Variants in PTPN11 observed in about 807,000 individuals in gnomAD.
PTPN11 encodes protein tyrosine phosphatase non-receptor type 11.
Under a neutral mutation model 78.8 loss-of-function variants are expected in PTPN11, and 6 were observed. The observed-to-expected ratio is 0.08, with a 90% CI of 0.04 to 0.15. The LOEUF is 0.15. PTPN11 is among the 10% of genes least tolerant of loss of function. PTPN11 has a pLI of 1.00. For synonymous variants in PTPN11, 221 were observed against 263.5 expected, an observed-to-expected ratio of 0.84 and a Z score of 1.56; for missense variants, 386 against 744.8, an observed-to-expected ratio of 0.52 and a Z score of 5.61.
At chr12:112,424,893 G>GTA (rs1297016262) in intron 1 of PTPN11, among the ~76,000 whole-genome samples, 2 of 129,414 alleles carry the variant, frequency 1.5e-5, no homozygotes, top group African/African-American at 6.3e-5. Flanking sequence ...GTGTGTGTAT[G>GTA]TGTGTGTGTG....
intron 13 of PTPN11, among the ~76,000 whole-genome samples, chr12:112,498,063 G>A (rs1453149068): frequency 2.0e-5 from 3 of 152,126 alleles, no homozygotes; most frequent in Non-Finnish European, 4.4e-5. Context: ...TGAGGCATGA[G>A]AATCGCTTGA....
intron 6 of PTPN11, among the ~76,000 whole-genome samples, chr12:112,470,664 G>A (rs2135891576): frequency 6.6e-6 from 1 of 152,286 alleles, no homozygotes; most frequent in South Asian, 2.1e-4. Flanking sequence ...CCACCTCAGT[G>A]AAGTGTCATG....
rs552257589 is a variant in PTPN11, at chr12:112,477,047, G to A, written c.854-604G>A. On this transcript the variant is annotated intron_variant, in intron 7 of 15. Transcript: ENST00000351677. ...CCCCTCCCCTTTTCTTTTTTCTTGA[G>A]ACTGTGTCTCACTCTGTCATCCAGG... 3.7e-4 allele frequency among the ~76,000 whole-genome samples: 56 copies of A among 151,276 alleles called. 1 individual carries two copies. Among genetic ancestry groups the A allele is most frequent in the African/African-American group, 1.2e-3 (51 of 41,178 alleles).
intron 2 of PTPN11, among the ~76,000 whole-genome samples, chr12:112,449,206 T>A (rs1357594162): frequency 5.3e-5 from 8 of 150,422 alleles, no homozygotes; most frequent in Admixed American, 2.6e-4. Context: ...TTTTTTTTCT[T>A]AATTGCTGCA....
chr12:112,448,420 T>C (rs992887019), intron 2 of PTPN11, among the ~76,000 whole-genome samples: 4 of 152,034 alleles, frequency 2.6e-5, no homozygotes, highest in Admixed American at 6.6e-5. Context: ...TTTCACCATG[T>C]TGTCCAGGCT....
intron 9 of PTPN11, among the ~76,000 whole-genome samples, chr12:112,478,880 G>A (rs1360132933): frequency 1.3e-5 from 2 of 152,154 alleles, no homozygotes; most frequent in East Asian, 3.9e-4. Flanking sequence ...CTACAGGTGC[G>A]TGCCACCACG....
At chr12:112,454,811 A>G (rs1334737959) in intron 5 of PTPN11, 131 bp downstream of exon 5, 4 of 688,850 alleles carry the variant, frequency 5.8e-6, no homozygotes, top group Non-Finnish European at 5.3e-6. Context: ...AGCTTCAACT[A>G]TCAAATCTTT....
chr12:112,476,794 A>G (rs1474169488), intron 7 of PTPN11, among the ~76,000 whole-genome samples: 4 of 152,046 alleles, frequency 2.6e-5, no homozygotes, highest in Non-Finnish European at 5.9e-5. Context: ...AACAACAACA[A>G]CAACAACAAC....
chr12:112,473,121 G>A (rs1343381322), intron 7 of PTPN11, 81 bp downstream of exon 7: 47 of 1,180,934 alleles, frequency 4.0e-5, no homozygotes, highest in Admixed American at 2.4e-4. Context: ...CCTCAGGGTC[G>A]TGTGCTCTTG....
intron 1 of PTPN11, among the ~76,000 whole-genome samples, chr12:112,431,177 A>G (rs1286110676): frequency 6.6e-6 from 1 of 152,252 alleles, no homozygotes; most frequent in Non-Finnish European, 1.5e-5. Context: ...GCTTACCCCA[A>G]GGTTGCTCTT....
At chr12:112,421,501 G>A (rs1322306200) in intron 1 of PTPN11, among the ~76,000 whole-genome samples, 1 of 152,142 alleles carries the variant, frequency 6.6e-6, no homozygotes, top group Non-Finnish European at 1.5e-5. Context: ...TTTGAATAGA[G>A]ATGGGGTCTC....
intron 1 of PTPN11, among the ~76,000 whole-genome samples, chr12:112,425,674 C>G (rs893630647): frequency 1.3e-5 from 2 of 152,138 alleles, no homozygotes; most frequent in African/African-American, 4.8e-5. Context: ...AGTAATTTCT[C>G]ATCCCTCAAA....
rs142606486 is a variant in PTPN11 at position 112,489,179 on chromosome 12, C to G, written c.1599+4C>G. On this transcript the variant is annotated splice_donor_region_variant and intron_variant, in intron 13 of 15. Transcript: ENST00000351677. ...GCGCAGGATTGAAGAAGAGCAGGTA[C>G]CAGCCTGAGGGCTGGCATGCGGATT... 1 of 1,614,160 alleles carries G rather than the reference C, an allele frequency of 6.2e-7. No individual in the cohort carries two copies. Among genetic ancestry groups the G allele is most frequent in the East Asian group, 2.2e-5 (1 of 44,884 alleles).
At chr12:112,443,086 G>T (rs1314404920) in intron 1 of PTPN11, among the ~76,000 whole-genome samples, 1 of 150,808 alleles carries the variant, frequency 6.6e-6, no homozygotes, top group Non-Finnish European at 1.5e-5. Context: ...TTAAATACAA[G>T]GACACTTGGT....
chr12:112,466,755 G>A (rs959347422), intron 6 of PTPN11, among the ~76,000 whole-genome samples: 6 of 152,182 alleles, frequency 3.9e-5, no homozygotes, highest in African/African-American at 1.2e-4. Flanking sequence ...TATACAGGTT[G>A]GTCTGGCCGT....
At chr12:112,456,810 G>A (rs1257505106) in intron 6 of PTPN11, among the ~76,000 whole-genome samples, 1 of 152,080 alleles carries the variant, frequency 6.6e-6, no homozygotes. Context: ...TGCCCAGGCT[G>A]GTCTTGAACT....
chr12:112,491,628 A>G (rs2038745594), intron 13 of PTPN11, among the ~76,000 whole-genome samples: 1 of 152,222 alleles, frequency 6.6e-6, no homozygotes, highest in African/African-American at 2.4e-5. Flanking sequence ...TATCTAACCT[A>G]CAGACCATCT....
chr12:112,506,962 T>C lies in PTPN11; in HGVS notation c.*1170T>C. 7.9e-6 allele frequency: 2 copies of C among 254,142 alleles called. No individual in the cohort carries two copies. The highest frequency in any genetic ancestry group is 1.6e-5 in the Non-Finnish European group (2 of 126,818). 15.7% of individuals were successfully genotyped at this position (254,142 alleles called of 1,614,324 possible). On this transcript the variant is annotated 3_prime_UTR_variant, in exon 16 of 16. Coordinates refer to ENST00000351677, the MANE Select transcript of PTPN11 (RefSeq NM_002834.5). ...TTCCCTCTATTGATGATGATGATGA[T>C]GATGATGATGATGATGATGATGATG...
chr12:112,427,690 C>T (rs2037642458), intron 1 of PTPN11, among the ~76,000 whole-genome samples: 1 of 151,780 alleles, frequency 6.6e-6, no homozygotes, highest in Non-Finnish European at 1.5e-5. Context: ...GAGAAGGATG[C>T]TTACTTCCCT....
Sources: allele counts gnomAD v4.1 joint callset (sites outside exome capture counted in the v4.1 genomes callset), GRCh38; gene constraint gnomAD v4.1.1; transcripts MANE v1.5; gene names NCBI Gene and HGNC (gene_info 2026-07-23, HGNC 2026-07-21).